The following DMTF1 variants were observed in gnomAD, a reference collection of about 807,000 sequenced individuals.
DMTF1 encodes cyclin-D-binding Myb-like transcription factor 1.
DMTF1 carries 39 observed loss-of-function variants against 91.1 expected under a neutral mutation model. The observed-to-expected ratio is 0.43, with a 90% CI of 0.33 to 0.56. The LOEUF (loss-of-function observed/expected upper bound fraction) is 0.56, where lower values mean the gene tolerates loss of function less well. DMTF1 is among the 20% of genes least tolerant of loss of function. The probability of loss-of-function intolerance (pLI) is 0.05; values close to 1 mark genes in which losing one functional copy is unlikely to be tolerated. For missense variants in DMTF1, 750 were observed against 914.5 expected, an observed-to-expected ratio of 0.82 and a Z score of 2.32; for synonymous variants, 338 against 309.5, an observed-to-expected ratio of 1.09 and a Z score of -0.97.
rs1330284864 is a variant in DMTF1, at chr7:87,195,102, G to C, written c.2245G>C (p.Asp749His). 6.2e-7 allele frequency: 1 copy of C among 1,612,044 alleles called. No homozygotes were observed. The highest frequency in any genetic ancestry group is 8.5e-7 in the Non-Finnish European group (1 of 1,178,784). ...ATCCTTGGGCAGTCCTGTTTCAGAAGATTCAAAGGATGTCGAAGATTTGGT... is the reference window on the plus strand; with the variant it reads ...ATCCTTGGGCAGTCCTGTTTCAGAACATTCAAAGGATGTCGAAGATTTGGT... ...GSSLGSPVSEDSKDVEDLVNC... is the reference protein window; with the variant it reads ...GSSLGSPVSEHSKDVEDLVNC... The change falls in exon 18 of 18, where the codon GAT (aspartate) becomes CAT (histidine). Residue 749 changes from aspartate to histidine, a missense_variant. Around this residue, in one of 3 missense-constraint regions of DMTF1, gnomAD observed 410 missense variants for 420.2 expected, o/e 0.98. Transcript: ENST00000331242.
chr7:87,192,693 G>A (rs1482996379), intron 14 of DMTF1: 2 of 152,174 alleles, frequency 1.3e-5, no homozygotes, highest in Admixed American at 6.6e-5. Flanking sequence ...AAAAGAAAAT[G>A]TGTTATTTAA....
At position 87,154,719 on chromosome 7, in the gene DMTF1, A is replaced by T. The variant is rs184270047; in HGVS notation, c.-132+2164A>T. ...ATGGTTGGGAAATGTTTACTGGTGGAGACTCATATCAAAAGTAGATAGCTG... is the reference window on the plus strand; with the variant it reads ...ATGGTTGGGAAATGTTTACTGGTGGTGACTCATATCAAAAGTAGATAGCTG... On this transcript the variant is annotated intron_variant, in intron 1 of 17. Transcript: ENST00000331242. Among the ~76,000 whole-genome samples, 6 of 152,300 alleles carry T rather than the reference A, an allele frequency of 3.9e-5. No individual in the cohort carries two copies. The East Asian group carries it at 1.2e-3, about 29-fold the overall frequency.
At chr7:87,158,143 A>G (rs1791273320) in intron 1 of DMTF1, among the ~76,000 whole-genome samples, 1 of 152,076 alleles carries the variant, frequency 6.6e-6, no homozygotes, top group Non-Finnish European at 1.5e-5. Context: ...GTATGGTTTT[A>G]TAAATTAAAA....
chr7:87,154,514 A>G (rs1218081769), intron 1 of DMTF1: 1 of 152,654 alleles, frequency 6.6e-6, no homozygotes, highest in Admixed American at 6.5e-5. Flanking sequence ...CCCTGTCTTC[A>G]TCAACATTTA....
chr7:87,158,841 C>G (rs1474792169), intron 1 of DMTF1, among the ~76,000 whole-genome samples: 1 of 151,950 alleles, frequency 6.6e-6, no homozygotes, highest in East Asian at 1.9e-4. Flanking sequence ...TTAAATGATT[C>G]AAACAACAAG....
rs970928321 is a variant in DMTF1, at chr7:87,183,087, TA to T, written c.820+760del. 2.0e-4 allele frequency among the ~76,000 whole-genome samples: 30 copies of T among 151,034 alleles called. No individual in the cohort carries two copies. In the South Asian group the frequency reaches 5.9e-3, roughly 29 times the overall value. On this transcript the variant is annotated intron_variant, in intron 10 of 17. Coordinates refer to ENST00000331242, the MANE Select transcript of DMTF1 (RefSeq NM_001142327.2). ...CACAATCCATGCCCACTGTTGCAATTAAAAAAAAAATTTCTGAAGTTTAGCT... is the reference window on the plus strand; with the variant it reads ...CACAATCCATGCCCACTGTTGCAATTAAAAAAAAATTTCTGAAGTTTAGCT...
At chr7:87,153,273 T>C (rs1472324863) in intron 1 of DMTF1, among the ~76,000 whole-genome samples, 2 of 152,142 alleles carry the variant, frequency 1.3e-5, no homozygotes, top group South Asian at 2.1e-4. Context: ...GCGGGGACAG[T>C]CCTGGTGGAG....
At chr7:87,174,278 T>C (rs570877821) in intron 6 of DMTF1, among the ~76,000 whole-genome samples, 1 of 152,314 alleles carries the variant, frequency 6.6e-6, no homozygotes, top group African/African-American at 2.4e-5. Context: ...GTTTTGAGCA[T>C]GTTTGGCTTT....
intron 9 of DMTF1, 113 bp downstream of exon 9, chr7:87,181,454 CTAT>C: frequency 1.9e-6 from 1 of 530,722 alleles, no homozygotes; most frequent in South Asian, 2.1e-5. Context: ...TTGAATTGTG[CTAT>C]TAAGCATGAT....
chr7:87,172,132 C>A (rs972953470), intron 5 of DMTF1, among the ~76,000 whole-genome samples: 1 of 152,132 alleles, frequency 6.6e-6, no homozygotes, highest in Admixed American at 6.5e-5. Flanking sequence ...GTATCAAGGT[C>A]TTTTGATAGC....
intron 1 of DMTF1, among the ~76,000 whole-genome samples, chr7:87,161,514 A>G (rs1383445323): frequency 6.6e-6 from 1 of 152,158 alleles, no homozygotes; most frequent in Non-Finnish European, 1.5e-5. Context: ...AAACCACAAA[A>G]GATGACAGCA....
chr7:87,172,509 C>A (rs1399602565), intron 5 of DMTF1, among the ~76,000 whole-genome samples: 1 of 152,192 alleles, frequency 6.6e-6, no homozygotes, highest in Non-Finnish European at 1.5e-5. Flanking sequence ...GAGATGAGGA[C>A]AACTTATCTC....
chr7:87,159,719 A>G (rs948440861), intron 1 of DMTF1, among the ~76,000 whole-genome samples: 7 of 152,246 alleles, frequency 4.6e-5, no homozygotes, highest in Admixed American at 3.9e-4. Context: ...GCTTAATGAC[A>G]GAGTTCTGAG....
At chr7:87,177,686 TG>T (rs1280455652) in intron 7 of DMTF1, among the ~76,000 whole-genome samples, 4 of 152,200 alleles carry the variant, frequency 2.6e-5, no homozygotes, top group African/African-American at 9.6e-5. Flanking sequence ...CTCAAGGGCA[TG>T]AAGACATTCT....
Position 87,184,541 on chromosome 7 carries a change from G to A in DMTF1, c.965G>A (p.Arg322His). ...GGTACCCGCTCAGAAAAGCAATGTC[G>A]TTCTAAATGGCTCAACTACCTGAAT... ...RVGTRSEKQCRSKWLNYLNWK... is the reference protein window; with the variant it reads ...RVGTRSEKQCHSKWLNYLNWK... Residue 322 changes from arginine (R) to histidine (H), a missense_variant, in exon 11 of 18, where the codon CGT (arginine) becomes CAT (histidine). By Grantham distance (29) the Arg-to-His change is conservative. This residue lies in a region of DMTF1 where 190 missense variants were observed against 343.8 expected (regional missense o/e 0.55). Coordinates refer to ENST00000331242, the MANE Select transcript of DMTF1 (RefSeq NM_001142327.2). The A allele has an allele frequency of 6.2e-7, 1 of 1,614,042 alleles. No individual in the cohort carries two copies. The highest frequency in any genetic ancestry group is 8.5e-7 in the Non-Finnish European group (1 of 1,179,968).
At position 87,166,547 on chromosome 7, in the gene DMTF1, T is replaced by C; in HGVS notation, c.174T>C (p.Ser58=). 1 of 1,613,212 alleles carries C rather than the reference T, an allele frequency of 6.2e-7. No homozygotes were observed. The highest frequency in any genetic ancestry group is 1.7e-4 in the Middle Eastern group (1 of 6,056). The stretch of plus-strand genomic sequence containing the variant: ...CACATAAAAGGCTTTGTTTGTCCTC[T>C]GAGGATGATCAGAGTATTGATGATT... ...EPPHKRLCLS[S]EDDQSIDDST... Residue 58 remains serine (S), a synonymous_variant, in exon 4 of 18, where the codon TCT becomes TCC. Coordinates refer to ENST00000331242, the MANE Select transcript of DMTF1 (RefSeq NM_001142327.2).
intron 6 of DMTF1, among the ~76,000 whole-genome samples, chr7:87,173,898 A>G (rs1175648551): frequency 6.6e-6 from 1 of 152,184 alleles, no homozygotes; most frequent in East Asian, 1.9e-4. Flanking sequence ...TAATTTTTGA[A>G]CAAATGCATA....
chr7:87,166,558 A>G lies in DMTF1; in HGVS notation c.185A>G (p.Gln62Arg), dbSNP rs1400366524. Residue 62 changes from glutamine to arginine, a missense_variant, in exon 4 of 18, where the codon CAG (glutamine) becomes CGG (arginine). Physicochemically the swap from Gln to Arg is conservative, Grantham distance 43. This residue lies in a region of DMTF1 where 150 missense variants were observed against 150.4 expected (regional missense o/e 1.00). Coordinates refer to ENST00000331242, the MANE Select transcript of DMTF1 (RefSeq NM_001142327.2). Reference protein sequence around the residue: ...KRLCLSSEDDQSIDDSTPCIS... With the variant: ...KRLCLSSEDDRSIDDSTPCIS... ...CTTTGTTTGTCCTCTGAGGATGATC[A>G]GAGTATTGATGATTCTACTCCTTGC... 7.4e-6 allele frequency: 12 copies of G among 1,613,088 alleles called. No homozygotes were observed. Among genetic ancestry groups the G allele is most frequent in the Non-Finnish European group, 9.3e-6 (11 of 1,179,218 alleles).
At chr7:87,181,503 C>G (rs1179099846) in intron 9 of DMTF1, among the ~76,000 whole-genome samples, 162 bp downstream of exon 9, 1 of 152,154 alleles carries the variant, frequency 6.6e-6, no homozygotes, top group African/African-American at 2.4e-5. Flanking sequence ...CCATTACTTG[C>G]ACAAAATAAC....
Sources: allele counts gnomAD v4.1 joint callset (sites outside exome capture counted in the v4.1 genomes callset), GRCh38; gene constraint gnomAD v4.1.1; regional missense constraint gnomAD v4.1.1; transcripts MANE v1.5; gene names NCBI Gene and HGNC (gene_info 2026-07-23, HGNC 2026-07-21).